CADPS2: variants seen among roughly 807,000 people sequenced by gnomAD.
CADPS2 encodes calcium dependent secretion activator 2, also known as calcium-dependent secretion activator 2.
In CADPS2, 93 loss-of-function variants were observed where a neutral mutation model predicts 172.5. The observed-to-expected ratio is 0.54, with a 90% confidence interval of 0.46 to 0.64. The LOEUF is 0.64. Among genes scored for constraint, CADPS2 ranks in the 30% least tolerant of loss-of-function variants. The pLI is 0.00. For missense variants in CADPS2, 1,420 were observed against 1,565.9 expected, an observed-to-expected ratio of 0.91 and a Z score of 1.57; for synonymous variants, 546 against 555.2, an observed-to-expected ratio of 0.98 and a Z score of 0.23.
chr7:122,581,122 G>T, intron 7 of CADPS2, 57 bp downstream of exon 7: 1 of 1,224,174 alleles, frequency 8.2e-7, no homozygotes, highest in Non-Finnish European at 1.2e-6. Context: ...CCTTAATCAT[G>T]AATCCAAAGA....
At chr7:122,485,320 T>C (rs2057696138) in intron 11 of CADPS2, among the ~76,000 whole-genome samples, 1 of 152,196 alleles carries the variant, frequency 6.6e-6, no homozygotes, top group Admixed American at 6.5e-5. Flanking sequence ...AGCTAAGTTG[T>C]GAATGCAAAG....
chr7:122,819,097 A>T (rs1477260958), intron 1 of CADPS2, among the ~76,000 whole-genome samples: 5 of 152,098 alleles, frequency 3.3e-5, no homozygotes, highest in African/African-American at 1.2e-4. Context: ...TGTGAGACAA[A>T]CCCCAGCCAC....
chr7:122,649,707 C>A (rs2078931701), intron 3 of CADPS2, among the ~76,000 whole-genome samples: 1 of 152,120 alleles, frequency 6.6e-6, no homozygotes, highest in South Asian at 2.1e-4. Context: ...CAGTAATGCA[C>A]TGATCAACTA....
chr7:122,415,601 C>CAAAAAA (rs549530021), intron 18 of CADPS2, among the ~76,000 whole-genome samples: 16 of 64,898 alleles, frequency 2.5e-4, no homozygotes, highest in East Asian at 9.4e-4. Flanking sequence ...AATACAGAAC[C>CAAAAAA]AAAAAAAAAA....
At chr7:122,663,612 A>G (rs765030920) in intron 2 of CADPS2, 43 bp from the exon 3 acceptor site, 2 of 1,459,010 alleles carry the variant, frequency 1.4e-6, no homozygotes. Flanking sequence ...AACAATTACA[A>G]TTAGGTGTAG....
intron 2 of CADPS2, among the ~76,000 whole-genome samples, chr7:122,689,872 A>G (rs1174502127): frequency 6.6e-6 from 1 of 152,186 alleles, no homozygotes; most frequent in Non-Finnish European, 1.5e-5. Context: ...TTCTCCCATT[A>G]GACAGCTCCA....
At position 122,886,289 on chromosome 7, in the gene CADPS2, C is replaced by G; in HGVS notation, c.49G>C (p.Glu17Gln). The G allele has an allele frequency of 6.6e-7, 1 of 1,505,126 alleles. No individual in the cohort carries two copies. The highest frequency in any genetic ancestry group is 8.8e-7 in the Non-Finnish European group (1 of 1,135,228). 93.2% of individuals were successfully genotyped at this position (1,505,126 alleles called of 1,614,324 possible). A position where few individuals can be genotyped will look rare whatever the true frequency, so the allele number is the denominator to read the frequency against. The change falls in exon 1 of 30, where the codon GAG becomes CAG. Residue 17 changes from glutamate (E) to glutamine (Q), a missense_variant. Glu to Gln is a conservative substitution (Grantham distance 29). Coordinates refer to ENST00000449022, the MANE Select transcript of CADPS2 (RefSeq NM_017954.11). Reference protein sequence around the residue: ...SEEESDEGLEEESRDVLVAAG... With the variant: ...SEEESDEGLEQESRDVLVAAG... ...GCCACCAGCACATCGCGGCTTTCCT[C>G]TTCCAGCCCCTCGTCCGACTCCTCT...
At chr7:122,567,170 C>G (rs563917206) in intron 7 of CADPS2, among the ~76,000 whole-genome samples, 3 of 152,120 alleles carry the variant, frequency 2.0e-5, no homozygotes, top group African/African-American at 7.2e-5. Context: ...GATAAAATAT[C>G]ACATGAATTA....
At chr7:122,872,965 C>T (rs1372247818) in intron 1 of CADPS2, among the ~76,000 whole-genome samples, 2 of 152,046 alleles carry the variant, frequency 1.3e-5, no homozygotes, top group East Asian at 1.9e-4. Flanking sequence ...GAATAGTAAG[C>T]ACAAACATAA....
chr7:122,411,349 T>TATCTGGGA (rs2047292534), intron 19 of CADPS2, among the ~76,000 whole-genome samples: 1 of 151,660 alleles, frequency 6.6e-6, no homozygotes, highest in Admixed American at 6.6e-5. Context: ...GCCTCCCAAG[T>TATCTGGGA]ATCTGGGATT....
In CADPS2 at chr7:122,852,070, T is replaced by C. The variant is rs377649910; in HGVS notation, c.339+33929A>G. On this transcript the variant is annotated intron_variant, in intron 1 of 29. Transcript: ENST00000449022. The stretch of plus-strand genomic sequence containing the variant: ...ACTGTAATTTGAATCCAGAAGTCTT[T>C]ACTGACTCAAAAATTTAAGTGAAAA... Among the ~76,000 whole-genome samples the C allele has an allele frequency of 1.3e-4, 20 of 152,352 alleles. No homozygotes were observed. The East Asian group carries it at 3.9e-3, about 29-fold the overall frequency.
chr7:122,574,450 A>T (rs1193247520), intron 7 of CADPS2, among the ~76,000 whole-genome samples: 7 of 147,040 alleles, frequency 4.8e-5, no homozygotes, highest in East Asian at 2.0e-4. Flanking sequence ...TGTCTTAAAA[A>T]AAAAAAAAAA....
intron 20 of CADPS2, among the ~76,000 whole-genome samples, chr7:122,404,069 G>A (rs1296055436): frequency 6.6e-6 from 1 of 151,964 alleles, no homozygotes; most frequent in Non-Finnish European, 1.5e-5. Flanking sequence ...GTATACACGT[G>A]CCATGCTGAT....
intron 2 of CADPS2, among the ~76,000 whole-genome samples, chr7:122,710,340 G>A (rs537825617): frequency 6.6e-6 from 1 of 152,114 alleles, no homozygotes; most frequent in African/African-American, 2.4e-5. Flanking sequence ...AGAGAAAAAC[G>A]ATGACAACAA....
intron 8 of CADPS2, among the ~76,000 whole-genome samples, chr7:122,519,487 C>G (rs1328128073): frequency 6.6e-6 from 1 of 152,042 alleles, no homozygotes; most frequent in Non-Finnish European, 1.5e-5. Context: ...ATTTAACACA[C>G]AAGAGTAAAG....
At position 122,581,287 on chromosome 7, in the gene CADPS2, C is replaced by T. The variant is rs1305061105; in HGVS notation, c.1227G>A (p.Trp409Ter). 6.2e-7 allele frequency: 1 copy of T among 1,611,334 alleles called. No individual in the cohort carries two copies. The highest frequency in any genetic ancestry group is 1.7e-5 in the Admixed American group (1 of 59,880). Residue 409 changes from tryptophan (W) to a stop codon, truncating the protein, a stop_gained, in exon 7 of 30, where the codon TGG (tryptophan) becomes TGA (stop). Coordinates refer to ENST00000449022, the MANE Select transcript of CADPS2 (RefSeq NM_017954.11). LOFTEE classifies it high-confidence loss of function. The stretch of plus-strand genomic sequence containing the variant: ...TGGTGGTGAAATCTCCTTGAGTCCC[C>T]CATCTGTAATGAAGTAAAAAAAATG... ...TDQAEASRPQ[W>*]GTQGDFTTTH...
chr7:122,748,337 T>A (rs1039323297), intron 1 of CADPS2, among the ~76,000 whole-genome samples: 2 of 152,150 alleles, frequency 1.3e-5, no homozygotes, highest in African/African-American at 2.4e-5. Context: ...GTTTTGCAGA[T>A]GATATCACTC....
At chr7:122,773,594 G>T (rs747157271) in intron 1 of CADPS2, among the ~76,000 whole-genome samples, 2 of 152,004 alleles carry the variant, frequency 1.3e-5, no homozygotes, top group Admixed American at 6.6e-5. Flanking sequence ...TTCAAAAAAG[G>T]CTTCCTAAAA....
chr7:122,479,340 C>T (rs2057039547), intron 12 of CADPS2, among the ~76,000 whole-genome samples: 1 of 152,212 alleles, frequency 6.6e-6, no homozygotes, highest in African/African-American at 2.4e-5. Context: ...ATTCAAAACT[C>T]CCATACAGCT....
Sources: gnomAD v4.1 joint callset for allele counts (sites outside exome capture counted in the v4.1 genomes callset) on GRCh38, gnomAD v4.1.1 for gene constraint, MANE v1.5 for transcripts, NCBI Gene and HGNC (gene_info 2026-07-23, HGNC 2026-07-21) for gene names.